CEP72: variants seen among roughly 807,000 people sequenced by gnomAD.
CEP72 encodes centrosomal protein 72.
Under a neutral mutation model 65.7 loss-of-function variants are expected in CEP72, and 78 were observed. The ratio of observed to expected loss-of-function variants is 1.19; its 90% confidence interval spans 0.99 to 1.43. The LOEUF (loss-of-function observed/expected upper bound fraction) is 1.43. CEP72 is among the 40% of genes most tolerant of loss of function. The pLI is 0.00. For synonymous variants in CEP72, 358 were observed against 351.7 expected (o/e 1.02, Z -0.20); for missense variants, 914 against 832.9 (o/e 1.10, Z -1.20).
At position 644,281 on chromosome 5, in the gene CEP72, T is replaced by G; in HGVS notation, c.1540-18T>G. 1 of 1,611,464 alleles carries G rather than the reference T, an allele frequency of 6.2e-7. No homozygotes were observed. The highest frequency in any genetic ancestry group is 8.5e-7 in the Non-Finnish European group (1 of 1,178,612). On this transcript the variant is annotated intron_variant, in intron 9 of 11. Coordinates refer to ENST00000264935, the MANE Select transcript of CEP72 (RefSeq NM_018140.4). ...TGAATTTGACTTGTGCACTTAAGTG[T>G]ATTTTCTGTGTCCGCAGGATGATTT...
intron 3 of CEP72, among the ~76,000 whole-genome samples, chr5:620,856 C>T (rs1030009646): frequency 4.6e-5 from 7 of 152,184 alleles, no homozygotes; most frequent in Non-Finnish European, 7.3e-5. Context: ...TTGGGGCAGC[C>T]GCAGGTCACC....
chr5:628,973 C>T (rs953925302), intron 4 of CEP72, among the ~76,000 whole-genome samples: 2 of 146,592 alleles, frequency 1.4e-5, no homozygotes. Flanking sequence ...GGGGAGTGTT[C>T]CCAGGACCCA....
chr5:669,065 C>A (rs553204348), downstream of CEP72, among the ~76,000 whole-genome samples: 1 of 152,374 alleles, frequency 6.6e-6, no homozygotes. Context: ...CTGAGAAACA[C>A]ACCAAGTGCT....
rs762202105 is a variant in CEP72 at position 635,580 on chromosome 5, C to G, written c.900C>G (p.His300Gln). ...GGCCACACACGTACTTCACCCCACACCCAGGTACTTACGCGTGTCTTAGTC... is the reference window on the plus strand; with the variant it reads ...GGCCACACACGTACTTCACCCCACAGCCAGGTACTTACGCGTGTCTTAGTC... The part of the protein sequence containing the change: ...APRPHTYFTP[H>Q]PDSMDTEDSA... The change falls in exon 6 of 12, where the codon CAC becomes CAG. Residue 300 changes from histidine to glutamine, a missense_variant. Physicochemically the swap from His to Gln is conservative, Grantham distance 24 (BLOSUM62 0). Coordinates refer to ENST00000264935, the MANE Select transcript of CEP72 (RefSeq NM_018140.4). The G allele has an allele frequency of 6.2e-7, 1 of 1,609,838 alleles. No homozygotes were observed. The highest frequency in any genetic ancestry group is 8.5e-7 in the Non-Finnish European group (1 of 1,176,584).
intron 9 of CEP72, chr5:643,790 C>T: frequency 3.2e-6 from 1 of 316,846 alleles, no homozygotes; most frequent in Non-Finnish European, 4.6e-6. Flanking sequence ...AGGCGTGGCC[C>T]TTTCCCCTCC....
chr5:637,950 C>A, intron 7 of CEP72, 132 bp downstream of exon 7: 2 of 901,410 alleles, frequency 2.2e-6, no homozygotes, highest in Non-Finnish European at 3.2e-6. Flanking sequence ...GCTGTTACGG[C>A]GGTGCCGTGA....
chr5:639,279 G>T (rs964866636), intron 8 of CEP72, 55 bp downstream of exon 8: 1 of 1,511,924 alleles, frequency 6.6e-7, no homozygotes, highest in East Asian at 2.3e-5. Flanking sequence ...TGTGGGTTCC[G>T]GGGTCCTCTG....
Position 623,439 on chromosome 5 carries a change from C to T in CEP72, c.404-1032C>T, listed in dbSNP as rs761538065. Reference sequence around the variant, plus strand: ...GGGCCTGCGTGTGGGATGGAGGCGGCGTCTGGAGAGACCTTGCCAGCAGGA... The same window carrying T: ...GGGCCTGCGTGTGGGATGGAGGCGGTGTCTGGAGAGACCTTGCCAGCAGGA... On this transcript the variant is annotated intron_variant, in intron 3 of 11. Transcript: ENST00000264935. This position sits in a 1 kb window ranked among gnomAD's most constrained non-coding sequence, Gnocchi z 5.3. 6.6e-5 allele frequency among the ~76,000 whole-genome samples: 10 copies of T among 152,188 alleles called. No homozygotes were observed. Among genetic ancestry groups the T allele is most frequent in the Admixed American group, 1.3e-4 (2 of 15,288 alleles).
At chr5:637,980 C>T (rs185685992) in intron 7 of CEP72, among the ~76,000 whole-genome samples, 162 bp downstream of exon 7, 3 of 150,692 alleles carry the variant, frequency 2.0e-5, no homozygotes, top group Non-Finnish European at 3.0e-5. Flanking sequence ...CGGCACTGAC[C>T]GTGTCCCTCC....
At chr5:649,938 TGACTGTGAGGC>T (rs1738850439) in intron 11 of CEP72, among the ~76,000 whole-genome samples, 3 of 60,236 alleles carry the variant, frequency 5.0e-5, no homozygotes, top group African/African-American at 1.0e-4. Context: ...CTGTGAGGCG[TGACTGTGAGGC>T]GTGACTGTGA....
intron 6 of CEP72, among the ~76,000 whole-genome samples, chr5:635,866 C>T (rs1011759903): frequency 1.3e-5 from 2 of 152,180 alleles, no homozygotes; most frequent in Non-Finnish European, 2.9e-5. Context: ...GCCCTGTGAC[C>T]TGTTCCAGAC....
downstream of CEP72, among the ~76,000 whole-genome samples, chr5:653,740 C>T (rs960947124): frequency 1.3e-5 from 2 of 152,152 alleles, no homozygotes; most frequent in African/African-American, 4.8e-5. Flanking sequence ...CATATCACAG[C>T]GGAAACATCT....
chr5:628,463 G>GT (rs1736909994), intron 4 of CEP72, among the ~76,000 whole-genome samples: 1 of 148,692 alleles, frequency 6.7e-6, no homozygotes, highest in African/African-American at 2.5e-5. Flanking sequence ...TCTTTGTGCA[G>GT]CTTCTGGAGA....
chr5:671,097 G>A (rs1740205085), downstream of CEP72, among the ~76,000 whole-genome samples: 2 of 152,224 alleles, frequency 1.3e-5, no homozygotes, highest in Admixed American at 1.3e-4. Flanking sequence ...CCGGTCGGGG[G>A]GCTGCCTGAG....
At chr5:646,257 C>T (rs1738417200) in intron 10 of CEP72, among the ~76,000 whole-genome samples, 2 of 152,218 alleles carry the variant, frequency 1.3e-5, no homozygotes, top group South Asian at 2.1e-4. Flanking sequence ...CTAATTCTTC[C>T]CTGAGTTCAG....
intron 1 of CEP72, among the ~76,000 whole-genome samples, chr5:613,377 G>GT (rs1193041181): frequency 1.3e-3 from 193 of 145,788 alleles, no homozygotes; most frequent in Middle Eastern, 3.6e-3. Flanking sequence ...GATCTGAGCG[G>GT]TTTTTTTTTT....
intron 4 of CEP72, among the ~76,000 whole-genome samples, chr5:625,590 G>A (rs1046444185): frequency 1.2e-4 from 19 of 152,326 alleles, no homozygotes; most frequent in African/African-American, 4.1e-4. Context: ...CAGTGTCTCC[G>A]AAATGGCTCT....
downstream of CEP72, among the ~76,000 whole-genome samples, chr5:654,972 C>T (rs971721325): frequency 1.4e-4 from 21 of 152,098 alleles, no homozygotes; most frequent in African/African-American, 3.6e-4. Flanking sequence ...TGTCCTGTTG[C>T]GAGGCTTACT....
intron 10 of CEP72, 114 bp downstream of exon 10, chr5:644,539 G>A (rs1360280823): frequency 5.5e-6 from 7 of 1,269,410 alleles, no homozygotes; most frequent in Non-Finnish European, 7.8e-6. Flanking sequence ...GACGCAGTTG[G>A]TAAGTGGGGA....
Sources: gnomAD v4.1 joint callset for allele counts (sites outside exome capture counted in the v4.1 genomes callset) on GRCh38, gnomAD v4.1.1 for gene constraint, Gnocchi (gnomAD v3.1) non-coding constraint, MANE v1.5 for transcripts, NCBI Gene and HGNC (gene_info 2026-07-23, HGNC 2026-07-21) for gene names.